Variants in NUP153 observed in about 807,000 individuals in gnomAD.
NUP153 encodes the protein nucleoporin 153, also known as nuclear pore complex protein Nup153.
Under a neutral mutation model 134.6 loss-of-function variants are expected in NUP153, and 27 were observed. The observed-to-expected ratio is 0.20, with a 90% CI of 0.15 to 0.28. The LOEUF (loss-of-function observed/expected upper bound fraction) is 0.28, where lower values mean the gene tolerates loss of function less well. Among genes scored for constraint, NUP153 ranks in the 10% least tolerant of loss-of-function variants. The pLI is 1.00. For missense variants in NUP153, 1,821 were observed against 1,731.3 expected, an observed-to-expected ratio of 1.05 and a Z score of -0.92; for synonymous variants, 640 against 623.5, an observed-to-expected ratio of 1.03 and a Z score of -0.40.
At chr6:17,620,118 AAAAGG>A (rs1764571737) in intron 20 of NUP153, among the ~76,000 whole-genome samples, 1 of 147,000 alleles carries the variant, frequency 6.8e-6, no homozygotes, top group East Asian at 2.1e-4. Context: ...AAAAAAAAAA[AAAAGG>A]AAGGGAGGGA....
rs569363367 is a variant in NUP153, at chr6:17,678,465, T to C, written c.335-2695A>G. 2.0e-5 allele frequency among the ~76,000 whole-genome samples: 3 copies of C among 152,234 alleles called. No individual in the cohort carries two copies. In the South Asian group the frequency reaches 6.2e-4, roughly 32 times the overall value. ...GAAATAAAGAGTGAATTTTAAATTT[T>C]AGCAAATGTCTATTTACTAAAAAGC... is the stretch of plus-strand genomic sequence containing the variant. On this transcript the variant is annotated intron_variant, in intron 2 of 21. Coordinates refer to ENST00000262077, the MANE Select transcript of NUP153 (RefSeq NM_005124.4).
At chr6:17,636,249 T>C (rs1384328836) in intron 16 of NUP153, among the ~76,000 whole-genome samples, 1 of 151,106 alleles carries the variant, frequency 6.6e-6, no homozygotes, top group Non-Finnish European at 1.5e-5. Flanking sequence ...GCACAAGAAT[T>C]GCATGCATCT....
chr6:17,637,866 GCA>G (rs1765641390), intron 15 of NUP153, 96 bp from the exon 16 acceptor site: 7 of 1,306,244 alleles, frequency 5.4e-6, no homozygotes, highest in Non-Finnish European at 6.2e-6. Context: ...TTACCTCACT[GCA>G]CACTTACTAC....
In NUP153 at chr6:17,626,134, A is replaced by G; in HGVS notation, c.3575T>C (p.Phe1192Ser). ...TGAACTAGAGGAACTGTTGTTCAAG[A>G]AACTAAAAACTGGCTTTGCTGCACC... is the stretch of plus-strand genomic sequence containing the variant. ...DQGAAKPVFS[F>S]LNNSSSSSST... Residue 1192 changes from phenylalanine to serine, a missense_variant, in exon 19 of 22, where the codon TTC becomes TCC. Transcript: ENST00000262077. 1 of 1,612,898 alleles carries G rather than the reference A, an allele frequency of 6.2e-7. No individual in the cohort carries two copies. The highest frequency in any genetic ancestry group is 8.5e-7 in the Non-Finnish European group (1 of 1,179,906).
chr6:17,651,487 C>T (rs1355653612), intron 11 of NUP153, among the ~76,000 whole-genome samples: 1 of 151,892 alleles, frequency 6.6e-6, no homozygotes, highest in Non-Finnish European at 1.5e-5. Context: ...TTTGGTGTTC[C>T]AATTAAAACA....
intron 11 of NUP153, 92 bp downstream of exon 11, chr6:17,661,561 C>G (rs1767182139): frequency 7.6e-7 from 1 of 1,312,892 alleles, no homozygotes; most frequent in Non-Finnish European, 1.0e-6. Context: ...CTCTGGGTCT[C>G]TTCGAACCCC....
At chr6:17,666,639 A>C (rs1302542900) in intron 8 of NUP153, among the ~76,000 whole-genome samples, 2 of 152,248 alleles carry the variant, frequency 1.3e-5, no homozygotes, top group East Asian at 3.8e-4. Context: ...CTTACAATGT[A>C]AGTCTAAATG....
At chr6:17,633,338 G>A (rs1431715190) in intron 16 of NUP153, among the ~76,000 whole-genome samples, 1 of 152,212 alleles carries the variant, frequency 6.6e-6, no homozygotes, top group African/African-American at 2.4e-5. Flanking sequence ...CTCTGCCTCT[G>A]AATGATAGCT....
intron 9 of NUP153, 103 bp downstream of exon 9, chr6:17,665,136 G>T: frequency 2.6e-6 from 2 of 767,956 alleles, no homozygotes; most frequent in South Asian, 2.0e-5. Context: ...ACCTTTATGT[G>T]TTATACAGTT....
chr6:17,691,730 A>T (rs1488764214), intron 1 of NUP153, among the ~76,000 whole-genome samples: 2 of 152,190 alleles, frequency 1.3e-5, no homozygotes, highest in Non-Finnish European at 2.9e-5. Flanking sequence ...TGGGTGACAC[A>T]GCGAGACTCC....
intron 1 of NUP153, among the ~76,000 whole-genome samples, chr6:17,703,552 CA>C (rs1770261460): frequency 6.6e-6 from 1 of 151,696 alleles, no homozygotes; most frequent in East Asian, 1.9e-4. Context: ...GCAGCTTCTG[CA>C]AAACATCCAG....
intron 2 of NUP153, among the ~76,000 whole-genome samples, chr6:17,678,629 C>T (rs140172330): frequency 6.6e-6 from 1 of 152,060 alleles, no homozygotes; most frequent in Non-Finnish European, 1.5e-5. Flanking sequence ...CTGTAGTGTT[C>T]TTCTATGTGC....
At chr6:17,630,759 A>C in intron 17 of NUP153, among the ~76,000 whole-genome samples, 1 of 131,016 alleles carries the variant, frequency 7.6e-6, no homozygotes, top group Admixed American at 7.6e-5. Context: ...AAGGGAGGGG[A>C]GAGGGGAGAG....
At chr6:17,647,776 A>G (rs1766278606) in intron 13 of NUP153, 31 bp downstream of exon 13, 2 of 1,282,150 alleles carry the variant, frequency 1.6e-6, no homozygotes, top group Non-Finnish European at 2.3e-6. Context: ...TGAAATCAGT[A>G]AATATATACT....
In NUP153 at chr6:17,649,153, G is replaced by A. The variant is rs61756010; in HGVS notation, c.1533+10C>T. ...CAAATGTCACCTGTATTTATATAATGGTTTTGTACCTTGTTTGTTAATGCT... is the reference window on the plus strand; with the variant it reads ...CAAATGTCACCTGTATTTATATAATAGTTTTGTACCTTGTTTGTTAATGCT... On this transcript the variant is annotated intron_variant, in intron 12 of 21. Transcript: ENST00000262077. 2.1e-3 allele frequency: 3,423 copies of A among 1,603,836 alleles called. 55 individuals are homozygous for A. The African/African-American group carries it at 0.037, about 17-fold the overall frequency.
intron 20 of NUP153, among the ~76,000 whole-genome samples, chr6:17,618,604 T>G (rs566595270): frequency 1.3e-5 from 2 of 149,412 alleles, no homozygotes; most frequent in Non-Finnish European, 3.0e-5. Context: ...CTGGCTCTGT[T>G]GCCCAGGCTG....
At chr6:17,661,221 C>T (rs1405839714) in intron 11 of NUP153, among the ~76,000 whole-genome samples, 1 of 151,998 alleles carries the variant, frequency 6.6e-6, no homozygotes, top group African/African-American at 2.4e-5. Context: ...GGCTGAGGCA[C>T]AGGAATTGCT....
chr6:17,697,686 T>G (rs969139204), intron 1 of NUP153, among the ~76,000 whole-genome samples: 1 of 151,150 alleles, frequency 6.6e-6, no homozygotes, highest in African/African-American at 2.4e-5. Context: ...AGACTCCATC[T>G]CAAAAAAAAG....
chr6:17,657,401 T>TAAAAA (rs140217238), intron 11 of NUP153, among the ~76,000 whole-genome samples: 1 of 140,360 alleles, frequency 7.1e-6, no homozygotes, highest in Non-Finnish European at 1.6e-5. Flanking sequence ...AATAAAAAAA[T>TAAAAA]AAAAAAAAAA....
Sources: allele counts gnomAD v4.1 joint callset (sites outside exome capture counted in the v4.1 genomes callset), GRCh38; gene constraint gnomAD v4.1.1; transcripts MANE v1.5; gene names NCBI Gene and HGNC (gene_info 2026-07-23, HGNC 2026-07-21).